The following CEBPZ variants were observed in gnomAD, a reference collection of about 807,000 sequenced individuals.
The protein encoded by CEBPZ is CCAAT enhancer binding protein zeta, also known as CCAAT/enhancer-binding protein zeta.
Under a neutral mutation model 104.5 loss-of-function variants are expected in CEBPZ, and 78 were observed. That is an observed-to-expected ratio of 0.75 (90% confidence interval 0.62 to 0.90). CEBPZ has a LOEUF of 0.90. Among genes scored for constraint, CEBPZ ranks in the 40% least tolerant of loss-of-function variants. The pLI, the probability that CEBPZ is intolerant of heterozygous loss-of-function variation, is 0.00. For missense variants in CEBPZ, 1,439 were observed against 1,233.5 expected, an observed-to-expected ratio of 1.17 and a Z score of -2.50; for synonymous variants, 470 against 427.0, an observed-to-expected ratio of 1.10 and a Z score of -1.24.
intron 8 of CEBPZ, 134 bp downstream of exon 8, chr2:37,216,006 C>A: frequency 2.2e-5 from 12 of 542,250 alleles, no homozygotes; most frequent in East Asian, 7.6e-5. Context: ...AATACCTATT[C>A]TTGGGAAAAA....
intron 4 of CEBPZ, among the ~76,000 whole-genome samples, chr2:37,221,820 C>T (rs531528409): frequency 2.0e-5 from 3 of 152,342 alleles, no homozygotes; most frequent in African/African-American, 7.2e-5. Context: ...TCTCGAACCT[C>T]AAGGCTGGTG....
intron 3 of CEBPZ, 151 bp from the exon 4 acceptor site, chr2:37,222,714 T>C: frequency 1.8e-6 from 1 of 566,566 alleles, no homozygotes; most frequent in Non-Finnish European, 3.0e-6. Context: ...ATCAATGGTA[T>C]TTAAACAAGA....
chr2:37,203,828 T>G (rs2148334000), intron 13 of CEBPZ: 2 of 152,360 alleles, frequency 1.3e-5, no homozygotes, highest in Middle Eastern at 6.8e-3. Flanking sequence ...CTGACTTTTT[T>G]CATTTAGCAT....
chr2:37,211,285 C>A, intron 12 of CEBPZ: 1 of 385,640 alleles, frequency 2.6e-6, no homozygotes. Flanking sequence ...ATATTTTGTG[C>A]AAGTACAAAA....
At chr2:37,227,474 A>C in intron 2 of CEBPZ, 70 bp downstream of exon 2, 1 of 1,442,464 alleles carries the variant, frequency 6.9e-7, no homozygotes, top group East Asian at 2.4e-5. Context: ...TGCCCCACAG[A>C]GGGCACTGCT....
chr2:37,210,950 C>A (rs1355110317), intron 13 of CEBPZ, 49 bp downstream of exon 13: 2 of 1,316,614 alleles, frequency 1.5e-6, no homozygotes, highest in Non-Finnish European at 2.1e-6. Flanking sequence ...GATAATGACA[C>A]CTTTCACATG....
At chr2:37,208,525 C>T (rs1050220444) in intron 13 of CEBPZ, among the ~76,000 whole-genome samples, 30 of 151,948 alleles carry the variant, frequency 2.0e-4, no homozygotes, top group African/African-American at 7.0e-4. Context: ...ACCACATAAA[C>T]AATTAAAAAC....
In CEBPZ at chr2:37,205,026, T is replaced by C. The variant is rs148761878; in HGVS notation, c.2885-2018A>G. Among the ~76,000 whole-genome samples, 7 of 152,354 alleles carry C rather than the reference T, an allele frequency of 4.6e-5. No homozygotes were observed. The East Asian group carries it at 7.7e-4, about 17-fold the overall frequency. ...GAAAAACTGCCTATATCTCATCTTA[T>C]GCTAATACTAAAACATGATCTTAGA... On this transcript the variant is annotated intron_variant, in intron 13 of 15. Transcript: ENST00000234170.
chr2:37,203,342 A>G (rs1182988022), intron 13 of CEBPZ: 1 of 167,830 alleles, frequency 6.0e-6, no homozygotes, highest in Non-Finnish European at 1.3e-5. Flanking sequence ...GGGTTTTGAA[A>G]TACTTAAGAC....
chr2:37,213,725 T>C (rs1170205253), intron 10 of CEBPZ, 139 bp downstream of exon 10: 1 of 605,606 alleles, frequency 1.7e-6, no homozygotes, highest in Non-Finnish European at 2.8e-6. Context: ...CAAATATTTC[T>C]TAATCTTCCA....
intron 5 of CEBPZ, among the ~76,000 whole-genome samples, chr2:37,219,535 G>T (rs1217938814): frequency 6.6e-6 from 1 of 151,906 alleles, no homozygotes; most frequent in Non-Finnish European, 1.5e-5. Flanking sequence ...CAGTGCCACC[G>T]TCAACACAGT....
chr2:37,211,093 A>G lies in CEBPZ; in HGVS notation c.2801-11T>C. 2 of 1,591,346 alleles carry G rather than the reference A, an allele frequency of 1.3e-6. No individual in the cohort carries two copies. The highest frequency in any genetic ancestry group is 1.7e-6 in the Non-Finnish European group (2 of 1,168,786). ...AGTGGACTTCAAGTTCTGTTACACG[A>G]AAAAATTTGCTAATAAGCAATTTAA... On this transcript the variant is annotated splice_polypyrimidine_tract_variant and intron_variant, in intron 12 of 15. Coordinates refer to ENST00000234170, the MANE Select transcript of CEBPZ (RefSeq NM_005760.3).
At chr2:37,212,308 AG>A in intron 11 of CEBPZ, 26 bp downstream of exon 11, 1 of 1,596,784 alleles carries the variant, frequency 6.3e-7, no homozygotes. Context: ...CTAGAAAAAT[AG>A]GAAGGAGAAG....
intron 15 of CEBPZ, chr2:37,202,452 C>G (rs935409671): frequency 5.5e-6 from 1 of 182,590 alleles, no homozygotes; most frequent in Admixed American, 6.1e-5. Context: ...CGAGACCAGC[C>G]TGGCCAACAT....
Position 37,202,829 on chromosome 2 carries a change from A to G in CEBPZ, c.2980T>C (p.Phe994Leu), listed in dbSNP as rs1677340650. Residue 994 changes from phenylalanine to leucine, a missense_variant, in exon 15 of 16, where the codon TTT becomes CTT. Physicochemically the swap from Phe to Leu is conservative, Grantham distance 22. Transcript: ENST00000234170. ...ATGGCATTCATGCCAATGTTATCAA[A>G]CTTGGATCCCATATTTTCATCCAAT... ...HLLDENMGSK[F>L]DNIGMNAMAN... The G allele has an allele frequency of 6.2e-7, 1 of 1,602,156 alleles. No homozygotes were observed. Among genetic ancestry groups the G allele is most frequent in the Non-Finnish European group, 8.5e-7 (1 of 1,174,768 alleles).
At position 37,211,990 on chromosome 2, in the gene CEBPZ, C is replaced by T. The variant is rs1243108260; in HGVS notation, c.2653G>A (p.Asp885Asn). Residue 885 changes from aspartate to asparagine, a missense_variant, in exon 12 of 16, where the codon GAT (aspartate) becomes AAT (asparagine). Transcript: ENST00000234170. ...AGTTCATCATCACTACCTTCTGAAT[C>T]TTCATCTAATGTGTTATCCTTAGCT... ...KGAKDNTLDE[D>N]SEGSDDELGN... 1 of 1,611,940 alleles carries T rather than the reference C, an allele frequency of 6.2e-7. No homozygotes were observed. The highest frequency in any genetic ancestry group is 1.1e-5 in the South Asian group (1 of 90,602).
At position 37,213,920 on chromosome 2, in the gene CEBPZ, T is replaced by C; in HGVS notation, c.2489A>G (p.Asp830Gly). 6.3e-7 allele frequency: 1 copy of C among 1,594,356 alleles called. No homozygotes were observed. The highest frequency in any genetic ancestry group is 8.5e-7 in the Non-Finnish European group (1 of 1,174,150). The change falls in exon 10 of 16, where the codon GAT (aspartate) becomes GGT (glycine). Residue 830 changes from aspartate (D) to glycine (G), a missense_variant. By Grantham distance (94) the Asp-to-Gly change is moderately conservative. Transcript: ENST00000234170. ...GTCTTCTATACTTTCTTCATCTGCA[T>C]CCCGTTTTTGTTTCTCTTTAACAGC... ...KVAVKEKQKR[D>G]ADEESIEDVD...
At chr2:37,204,700 T>A (rs1400186617) in intron 13 of CEBPZ, 1 of 152,214 alleles carries the variant, frequency 6.6e-6, no homozygotes, top group Non-Finnish European at 1.5e-5. Flanking sequence ...GATCAATTAG[T>A]AAATTAATAA....
chr2:37,228,324 T>G lies in CEBPZ; in HGVS notation c.869A>C (p.Lys290Thr). The G allele has an allele frequency of 6.2e-7, 1 of 1,614,168 alleles. No individual in the cohort carries two copies. The highest frequency in any genetic ancestry group is 8.5e-7 in the Non-Finnish European group (1 of 1,180,016). ...QQCLMALDTF[K>T]ELLITDLLPD... is the part of the protein sequence containing the mutation. ...CAAAAGGTCTGTGATAAGCAACTCT[T>G]TGAAAGTATCCAAGGCCATAAGGCA... Residue 290 changes from lysine (K) to threonine (T), a missense_variant, in exon 2 of 16, where the codon AAA becomes ACA. Lys to Thr is a moderately conservative substitution (Grantham distance 78, BLOSUM62 -1). Coordinates refer to ENST00000234170, the MANE Select transcript of CEBPZ (RefSeq NM_005760.3).
Sources: allele counts gnomAD v4.1 joint callset (sites outside exome capture counted in the v4.1 genomes callset), GRCh38; gene constraint gnomAD v4.1.1; transcripts MANE v1.5; gene names NCBI Gene and HGNC (gene_info 2026-07-23, HGNC 2026-07-21).